SYNCRIP: variants seen among roughly 807,000 people sequenced by gnomAD.
SYNCRIP encodes heterogeneous nuclear ribonucleoprotein Q.
Under a neutral mutation model 68.9 loss-of-function variants are expected in SYNCRIP, and 9 were observed. The ratio of observed to expected loss-of-function variants is 0.13; its 90% CI spans 0.08 to 0.23. SYNCRIP has a LOEUF of 0.23. Ranked by LOEUF, SYNCRIP falls within the 10% of genes least tolerant of loss-of-function variation. SYNCRIP has a pLI of 1.00. For synonymous variants in SYNCRIP, 258 were observed against 254.0 expected, an observed-to-expected ratio of 1.02 and a Z score of -0.15; for missense variants, 414 against 770.6, an observed-to-expected ratio of 0.54 and a Z score of 5.48.
chr6:85,635,545 A>G (rs1056222598), intron 6 of SYNCRIP, among the ~76,000 whole-genome samples: 2 of 152,016 alleles, frequency 1.3e-5, no homozygotes, highest in Admixed American at 6.6e-5. Context: ...TGAGGCAGGC[A>G]TATCTTCTGA....
In SYNCRIP at chr6:85,633,765, G is replaced by A. The variant is rs542249627; in HGVS notation, c.666+3202C>T. On this transcript the variant is annotated intron_variant, in intron 6 of 10. Transcript: ENST00000369622. ...AGTGGCATGATCACAGGTCATTGCA[G>A]CCTTGACCTCCTGGGACCACAGGTG... 1.8e-4 allele frequency among the ~76,000 whole-genome samples: 28 copies of A among 152,034 alleles called. No homozygotes were observed. The South Asian group carries it at 2.1e-3, about 11-fold the overall frequency.
At chr6:85,623,206 G>C (rs1321166910) in intron 7 of SYNCRIP, among the ~76,000 whole-genome samples, 1 of 152,078 alleles carries the variant, frequency 6.6e-6, no homozygotes. Flanking sequence ...TTTTCTAAAA[G>C]CAACCTGTCA....
rs755754747 is a variant in SYNCRIP at position 85,640,414 on chromosome 6, T to TTTTTTAATTTTCACA, written c.267+17_267+31dup. 2.1e-5 allele frequency: 34 copies of TTTTTTAATTTTCACA among 1,583,986 alleles called. No homozygotes were observed. The African/African-American group carries it at 4.2e-4, about 20-fold the overall frequency. ...GCAGATAGTATCAAAACTACTCAAA[T>TTTTTTAATTTTCACA]TTTTTAATTTTCACATTGACATTAA... On this transcript the variant is annotated intron_variant, in intron 3 of 10. Transcript: ENST00000369622.
intron 6 of SYNCRIP, among the ~76,000 whole-genome samples, chr6:85,628,270 G>A (rs1234845428): frequency 6.6e-6 from 1 of 152,098 alleles, no homozygotes; most frequent in Admixed American, 6.5e-5. Context: ...TGGCCAGGCT[G>A]GTCTCGAACT....
chr6:85,619,428 G>A lies in SYNCRIP; in HGVS notation c.1009-11C>T. On this transcript the variant is annotated splice_polypyrimidine_tract_variant and intron_variant, in intron 8 of 10. Transcript: ENST00000369622. Reference sequence around the variant, plus strand: ...AAACAGCACTTTTACCTAGGGGGAAGAAAATACCCCCCTGTATTATTTCCA... The same window carrying A: ...AAACAGCACTTTTACCTAGGGGGAAAAAAATACCCCCCTGTATTATTTCCA... 2 of 1,607,302 alleles carry A rather than the reference G, an allele frequency of 1.2e-6. No individual in the cohort carries two copies. Among genetic ancestry groups the A allele is most frequent in the Non-Finnish European group, 1.7e-6 (2 of 1,178,160 alleles).
chr6:85,642,187 G>A (rs1364130343), intron 1 of SYNCRIP, among the ~76,000 whole-genome samples: 1 of 152,134 alleles, frequency 6.6e-6, no homozygotes, highest in Non-Finnish European at 1.5e-5. Context: ...GGCACCGGCG[G>A]CGCCAGGCCA....
chr6:85,630,292 T>G (rs1013724740), intron 6 of SYNCRIP, among the ~76,000 whole-genome samples: 3 of 151,552 alleles, frequency 2.0e-5, no homozygotes, highest in African/African-American at 7.3e-5. Context: ...ACCCAGGAGG[T>G]GGAGCTTGCA....
At chr6:85,629,482 G>C (rs552649599) in intron 6 of SYNCRIP, among the ~76,000 whole-genome samples, 6 of 125,700 alleles carry the variant, frequency 4.8e-5, no homozygotes, top group African/African-American at 1.7e-4. Context: ...AAGGTTTGGA[G>C]TTTGAGACCA....
At chr6:85,621,920 G>A (rs371280189) in intron 8 of SYNCRIP, among the ~76,000 whole-genome samples, 6 of 152,122 alleles carry the variant, frequency 3.9e-5, no homozygotes, top group East Asian at 1.9e-4. Context: ...GCATGTAGGC[G>A]ACTTCATTAC....
At chr6:85,634,138 A>C (rs1463246694) in intron 6 of SYNCRIP, among the ~76,000 whole-genome samples, 4 of 152,196 alleles carry the variant, frequency 2.6e-5, no homozygotes, top group African/African-American at 4.8e-5. Flanking sequence ...TAATAAGACT[A>C]TATTCTAAGC....
chr6:85,607,880 A>T (rs1804959415), downstream of SYNCRIP: 1 of 152,088 alleles, frequency 6.6e-6, no homozygotes, highest in Non-Finnish European at 1.5e-5. Context: ...GATAATCAAT[A>T]TAAATGTTGT....
chr6:85,623,631 A>G (rs1171524051), intron 7 of SYNCRIP, among the ~76,000 whole-genome samples: 1 of 150,908 alleles, frequency 6.6e-6, no homozygotes, highest in Non-Finnish European at 1.5e-5. Context: ...CAAGAACATC[A>G]AATCATTATT....
intron 6 of SYNCRIP, among the ~76,000 whole-genome samples, chr6:85,631,363 G>A (rs1216570687): frequency 2.2e-5 from 3 of 136,516 alleles, no homozygotes; most frequent in Admixed American, 7.3e-5. Context: ...AAAGGCCATG[G>A]CTTAAAGAAG....
chr6:85,629,799 G>A (rs1365249075), intron 6 of SYNCRIP, among the ~76,000 whole-genome samples: 1 of 151,780 alleles, frequency 6.6e-6, no homozygotes, highest in Non-Finnish European at 1.5e-5. Flanking sequence ...TCCAGCCTGG[G>A]CAACAAGGCG....
At position 85,614,485 on chromosome 6, in the gene SYNCRIP, C is replaced by T. The variant is rs1326796827; in HGVS notation, c.*271G>A. On this transcript the variant is annotated 3_prime_UTR_variant, in exon 11 of 11. Transcript: ENST00000369622. ...ATCGTTGACACTACAGCCAAATGGACTTGAGCCAAATTTTCTCAAGCACAA... is the reference window on the plus strand; with the variant it reads ...ATCGTTGACACTACAGCCAAATGGATTTGAGCCAAATTTTCTCAAGCACAA... 2 of 1,146,028 alleles carry T rather than the reference C, an allele frequency of 1.7e-6. No homozygotes were observed. Among genetic ancestry groups the T allele is most frequent in the African/African-American group, 3.2e-5 (2 of 62,054 alleles). 71.0% of individuals were successfully genotyped at this position (1,146,028 alleles called of 1,614,324 possible). A position where few individuals can be genotyped will look rare whatever the true frequency, so the allele number is the denominator to read the frequency against.
intron 10 of SYNCRIP, among the ~76,000 whole-genome samples, chr6:85,617,216 A>G (rs969144877): frequency 6.0e-5 from 9 of 150,962 alleles, no homozygotes; most frequent in Admixed American, 1.3e-4. Flanking sequence ...AAAAAAAAAG[A>G]CTGTAGCAAG....
intron 1 of SYNCRIP, 135 bp from the exon 2 acceptor site, chr6:85,641,586 G>A (rs1410857691): frequency 1.2e-6 from 1 of 849,748 alleles, no homozygotes; most frequent in African/African-American, 1.7e-5. Context: ...AAGCCTTACA[G>A]TCACTATCGC....
chr6:85,637,675 T>A (rs535144633), intron 4 of SYNCRIP, among the ~76,000 whole-genome samples: 4 of 152,238 alleles, frequency 2.6e-5, no homozygotes, highest in Non-Finnish European at 5.9e-5. Flanking sequence ...ACTATGTTAA[T>A]ACCATCTTAA....
chr6:85,632,372 A>G (rs939198264), intron 6 of SYNCRIP, among the ~76,000 whole-genome samples: 6 of 152,230 alleles, frequency 3.9e-5, no homozygotes, highest in Non-Finnish European at 4.4e-5. Flanking sequence ...CACTTCAATT[A>G]AAAACTCACT....
Sources: allele counts gnomAD v4.1 joint callset (sites outside exome capture counted in the v4.1 genomes callset), GRCh38; gene constraint gnomAD v4.1.1; transcripts MANE v1.5; gene names NCBI Gene and HGNC (gene_info 2026-07-23, HGNC 2026-07-21).